B3GAT1: variants seen among roughly 807,000 people sequenced by gnomAD.
B3GAT1 encodes the protein galactosylgalactosylxylosylprotein 3-beta-glucuronosyltransferase 1.
In B3GAT1, 11 loss-of-function variants were observed where a neutral mutation model predicts 28.4. The ratio of observed to expected loss-of-function variants is 0.39; its 90% CI spans 0.24 to 0.64. B3GAT1 has a LOEUF of 0.64. Among genes scored for constraint, B3GAT1 ranks in the 30% least tolerant of loss-of-function variants. B3GAT1 has a pLI of 0.50. For missense variants in B3GAT1, 375 were observed against 491.0 expected, an observed-to-expected ratio of 0.76 and a Z score of 2.23; for synonymous variants, 255 against 223.1, an observed-to-expected ratio of 1.14 and a Z score of -1.27.
intron 2 of B3GAT1, chr11:134,386,841 G>A (rs1248873777): frequency 2.6e-5 from 4 of 152,192 alleles, no homozygotes; most frequent in East Asian, 1.9e-4. Flanking sequence ...TTTAAGATGC[G>A]TCGACATCTT....
In B3GAT1 at chr11:134,393,343, C is replaced by T. The variant is rs147447786; in HGVS notation, c.-281-5403G>A. Among the ~76,000 whole-genome samples the T allele has an allele frequency of 3.9e-5, 6 of 152,304 alleles. No homozygotes were observed. The highest frequency in any genetic ancestry group is 1.9e-4 in the East Asian group (1 of 5,176). On this transcript the variant is annotated intron_variant, in intron 1 of 5. Coordinates refer to ENST00000312527, the MANE Select transcript of B3GAT1 (RefSeq NM_054025.3). This position sits in a 1 kb window ranked among gnomAD's most constrained non-coding sequence, Gnocchi z 4.0. ...AATGCATGCTAATTTTTCCCAAATC[C>T]GAACGACCCATCCTTGCTGGCTCTC...
intron 1 of B3GAT1, 75 bp from the exon 2 acceptor site, chr11:134,388,015 C>G: frequency 1.9e-6 from 1 of 528,218 alleles, no homozygotes; most frequent in Non-Finnish European, 3.4e-6. Context: ...GGGCCCTGCT[C>G]TGGGACACAC....
chr11:134,399,105 C>T (rs1340118821), intron 1 of B3GAT1, among the ~76,000 whole-genome samples: 2 of 152,194 alleles, frequency 1.3e-5, no homozygotes, highest in African/African-American at 2.4e-5. Context: ...AGAATGGCTC[C>T]TCTCGCCTGC....
rs1944874170 is a variant in B3GAT1, at chr11:134,412,131, A to AGGGGGAGCGGGGG, written c.-607_-606insCCCCCGCTCCCCC. Among the ~76,000 whole-genome samples the AGGGGGAGCGGGGG allele has an allele frequency of 1.8e-5, 2 of 110,704 alleles. No individual in the cohort carries two copies. Among genetic ancestry groups the AGGGGGAGCGGGGG allele is most frequent in the Admixed American group, 8.3e-5 (1 of 12,014 alleles). The allele number at this position is 110,704 out of a possible 152,430, so 72.6% of individuals were successfully genotyped here. A position where few individuals can be genotyped will look rare whatever the true frequency, so the allele number is the denominator to read the frequency against. On this transcript the variant is annotated 5_prime_UTR_variant, in exon 1 of 6. Transcript: ENST00000312527. Reference sequence around the variant, plus strand: ...GGGGGAGCGGGGAGGGGGAGCGGGGAGCGGGCGCGGGGGCGAGAGGGGCGA... The same window carrying AGGGGGAGCGGGGG: ...GGGGGAGCGGGGAGGGGGAGCGGGGAGGGGGAGCGGGGGGCGGGCGCGGGGGCGAGAGGGGCGA...
In B3GAT1 at chr11:134,383,904, GGC is replaced by G; in HGVS notation, c.395_396del (p.Arg132ProfsTer114). ...TAGTTGAGGCCGGTGTCGCGCAGCAGGCGCGCGGTCAGCGGCGTCCGGCGCGG... is the reference window on the plus strand; with the variant it reads ...TAGTTGAGGCCGGTGTCGCGCAGCAGGCGCGGTCAGCGGCGTCCGGCGCGG... Reference protein sequence around the residue: ...DAPRRTPLTARLLRDTGLNYT... With the variant: ...DAPRRTPLTAXLLRDTGLNYT... On this transcript the variant is annotated frameshift_variant, in exon 3 of 6. Coordinates refer to ENST00000312527, the MANE Select transcript of B3GAT1 (RefSeq NM_054025.3). LOFTEE classifies it high-confidence loss of function. 2 of 1,596,106 alleles carry G rather than the reference GGC, an allele frequency of 1.3e-6. No homozygotes were observed. Among genetic ancestry groups the G allele is most frequent in the Non-Finnish European group, 1.7e-6 (2 of 1,175,718 alleles).
intron 3 of B3GAT1, 95 bp from the exon 4 acceptor site, chr11:134,383,101 CTATG>C: frequency 7.3e-7 from 1 of 1,374,996 alleles, no homozygotes; most frequent in South Asian, 1.4e-5. Flanking sequence ...CCACCTCTAT[CTATG>C]CCCATGGCCA....
At chr11:134,399,111 C>T (rs886944914) in intron 1 of B3GAT1, among the ~76,000 whole-genome samples, 3 of 152,148 alleles carry the variant, frequency 2.0e-5, no homozygotes, top group Non-Finnish European at 4.4e-5. Flanking sequence ...GCTCCTCTCG[C>T]CTGCATGATG....
chr11:134,405,415 G>A (rs764310036), intron 1 of B3GAT1, among the ~76,000 whole-genome samples: 5 of 152,342 alleles, frequency 3.3e-5, no homozygotes, highest in Non-Finnish European at 7.4e-5. Context: ...GTCAGGGTGC[G>A]TAGACACACT....
At position 134,411,559 on chromosome 11, in the gene B3GAT1, T is replaced by C. The variant is rs945559654; in HGVS notation, c.-282+248A>G. Reference sequence around the variant, plus strand: ...GAACCAGCTCTTCCCCTAATCCCGGTCGACGAGGGCAGGCTGTGCCGGGTT... The same window carrying C: ...GAACCAGCTCTTCCCCTAATCCCGGCCGACGAGGGCAGGCTGTGCCGGGTT... On this transcript the variant is annotated intron_variant, in intron 1 of 5. Coordinates refer to ENST00000312527, the MANE Select transcript of B3GAT1 (RefSeq NM_054025.3). This position sits in a 1 kb window ranked among gnomAD's most constrained non-coding sequence, Gnocchi z 6.0. 2.0e-5 allele frequency among the ~76,000 whole-genome samples: 3 copies of C among 152,022 alleles called. No individual in the cohort carries two copies. The highest frequency in any genetic ancestry group is 7.2e-5 in the African/African-American group (3 of 41,404).
intron 1 of B3GAT1, among the ~76,000 whole-genome samples, chr11:134,408,911 T>C (rs1435734618): frequency 8.7e-4 from 100 of 115,328 alleles, no homozygotes; most frequent in African/African-American, 3.5e-3. Context: ...AGGAGGGAGG[T>C]GGGATAGCCT....
intron 1 of B3GAT1, among the ~76,000 whole-genome samples, chr11:134,404,446 T>C (rs534656821): frequency 4.1e-4 from 63 of 152,194 alleles, no homozygotes; most frequent in Admixed American, 1.7e-3. Flanking sequence ...TTTTATGTTA[T>C]GTGTTTTTTA....
intron 1 of B3GAT1, chr11:134,390,293 C>A (rs771330309): frequency 6.6e-6 from 1 of 152,250 alleles, no homozygotes; most frequent in African/African-American, 2.4e-5. Context: ...CATGGGGCTG[C>A]GTGTCAAGAC....
At chr11:134,408,155 AGCGG>A (rs1944769997) in intron 1 of B3GAT1, among the ~76,000 whole-genome samples, 3 of 152,146 alleles carry the variant, frequency 2.0e-5, no homozygotes, top group African/African-American at 4.8e-5. Context: ...TGAGGACTCA[AGCGG>A]GTGAGGAGGG....
Position 134,383,663 on chromosome 11 carries a change from G to C in B3GAT1, c.621+17C>G. The stretch of plus-strand genomic sequence containing the variant: ...GCAGCCGGAGGTCCCGCTGCTCACT[G>C]TCGGGCCCTCCCTCACCTCTTCGAA... On this transcript the variant is annotated intron_variant, in intron 3 of 5. Coordinates refer to ENST00000312527, the MANE Select transcript of B3GAT1 (RefSeq NM_054025.3). The C allele has an allele frequency of 6.5e-7, 1 of 1,539,496 alleles. No homozygotes were observed. The highest frequency in any genetic ancestry group is 1.2e-5 in the South Asian group (1 of 80,906).
At chr11:134,409,956 C>A in intron 1 of B3GAT1, 1 of 153,014 alleles carries the variant, frequency 6.5e-6, no homozygotes, top group Non-Finnish European at 1.5e-5. Flanking sequence ...TCGGTTGGTG[C>A]ATCCTCTTCC....
At position 134,403,963 on chromosome 11, in the gene B3GAT1, C is replaced by T. The variant is rs185386043; in HGVS notation, c.-282+7844G>A. 6.8e-4 allele frequency among the ~76,000 whole-genome samples: 80 copies of T among 118,328 alleles called. 1 individual carries two copies. Among genetic ancestry groups the T allele is most frequent in the African/African-American group, 2.5e-3 (75 of 30,034 alleles). 77.6% of individuals were successfully genotyped at this position (118,328 alleles called of 152,430 possible). A position where few individuals can be genotyped will look rare whatever the true frequency, so the allele number is the denominator to read the frequency against. ...GTTGTGGAGAATGGGAGTCATTTAA[C>T]GGGTACAGAGTTTCTTTCTTTATAT... On this transcript the variant is annotated intron_variant, in intron 1 of 5. Transcript: ENST00000312527.
At chr11:134,397,997 C>T (rs148464943) in intron 1 of B3GAT1, among the ~76,000 whole-genome samples, 1 of 152,302 alleles carries the variant, frequency 6.6e-6, no homozygotes, top group African/African-American at 2.4e-5. Context: ...GTGCCTGCTC[C>T]CTGCCTGCTC....
chr11:134,407,499 C>T (rs1025995438), intron 1 of B3GAT1, among the ~76,000 whole-genome samples: 1 of 152,240 alleles, frequency 6.6e-6, no homozygotes, highest in African/African-American at 2.4e-5. Context: ...GAAGACTGAG[C>T]CGTGGAATCC....
At chr11:134,386,992 A>G in intron 2 of B3GAT1, 1 of 158,342 alleles carries the variant, frequency 6.3e-6, no homozygotes, top group South Asian at 1.9e-4. Context: ...ACCTTTATGG[A>G]GCTCTCCCAC....
Sources: gnomAD v4.1 joint callset for allele counts (sites outside exome capture counted in the v4.1 genomes callset) on GRCh38, gnomAD v4.1.1 for gene constraint, Gnocchi (gnomAD v3.1) non-coding constraint, MANE v1.5 for transcripts, NCBI Gene and HGNC (gene_info 2026-07-23, HGNC 2026-07-21) for gene names.